Variants in GYG1 observed in about 807,000 individuals in gnomAD.
GYG1 encodes the protein glycogenin 1.
Under a neutral mutation model 41.9 loss-of-function variants are expected in GYG1, and 44 were observed. The ratio of observed to expected loss-of-function variants is 1.05; its 90% confidence interval spans 0.83 to 1.35. The LOEUF (loss-of-function observed/expected upper bound fraction) is 1.35, where lower values mean the gene tolerates loss of function less well. Among genes scored for constraint, GYG1 ranks in the 40% most tolerant of loss-of-function variants. The pLI, the probability that GYG1 is intolerant of heterozygous loss-of-function variation, is 0.00. For synonymous variants in GYG1, 141 were observed against 158.1 expected (o/e 0.89, Z 0.81); for missense variants, 429 against 418.9 (o/e 1.02, Z -0.21).
intron 4 of GYG1, among the ~76,000 whole-genome samples, chr3:149,007,127 G>T (rs1333869573): frequency 1.3e-5 from 2 of 152,100 alleles, no homozygotes; most frequent in African/African-American, 4.8e-5. Context: ...TTTTATTTTT[G>T]TTTTTTTGTT....
At chr3:149,009,032 A>G (rs1713566156) in intron 4 of GYG1, 1 of 427,512 alleles carries the variant, frequency 2.3e-6, no homozygotes, top group African/African-American at 2.0e-5. Context: ...GGTGGCATGC[A>G]CCTGTAGTCC....
intron 4 of GYG1, 77 bp from the exon 5 acceptor site, chr3:149,009,199 G>C: frequency 8.9e-7 from 1 of 1,124,702 alleles, no homozygotes; most frequent in South Asian, 1.3e-5. Flanking sequence ...ATTTTTAAAG[G>C]TCCAGTTATG....
intron 1 of GYG1, chr3:148,992,587 C>T (rs1404631480): frequency 6.6e-6 from 1 of 152,198 alleles, no homozygotes; most frequent in Admixed American, 6.5e-5. Context: ...TCTCCATGAT[C>T]GCCTGGAACC....
At chr3:149,012,124 G>A (rs1342083214) in intron 5 of GYG1, among the ~76,000 whole-genome samples, 3 of 152,118 alleles carry the variant, frequency 2.0e-5, no homozygotes, top group Non-Finnish European at 2.9e-5. Flanking sequence ...GGCTGAAAAG[G>A]TACAGGTAGT....
At chr3:149,011,318 C>G (rs1353823736) in intron 5 of GYG1, among the ~76,000 whole-genome samples, 1 of 152,188 alleles carries the variant, frequency 6.6e-6, no homozygotes, top group Non-Finnish European at 1.5e-5. Flanking sequence ...TCTTGCAAAC[C>G]ATGACAGTGT....
Position 149,024,280 on chromosome 3 carries a change from C to T in GYG1, c.828+8C>T. ...TGCTCATATGTAAATGTGGTAGGTT[C>T]TGTTTCTTTTCTTCAGATCATTTAA... On this transcript the variant is annotated splice_region_variant and intron_variant, in intron 6 of 7. Transcript: ENST00000345003. 6.5e-7 allele frequency: 1 copy of T among 1,531,868 alleles called. No homozygotes were observed. The highest frequency in any genetic ancestry group is 9.1e-7 in the Non-Finnish European group (1 of 1,104,902). The allele number at this position is 1,531,868 out of a possible 1,614,324, so 94.9% of individuals were successfully genotyped here.
intron 5 of GYG1, among the ~76,000 whole-genome samples, chr3:149,015,059 G>C (rs1713942099): frequency 6.6e-6 from 1 of 152,106 alleles, no homozygotes; most frequent in Non-Finnish European, 1.5e-5. Flanking sequence ...TCAGGTATTT[G>C]GTAGGATATG....
intron 1 of GYG1, among the ~76,000 whole-genome samples, chr3:148,993,768 AAC>A (rs1712627854): frequency 6.6e-6 from 1 of 152,204 alleles, no homozygotes; most frequent in South Asian, 2.1e-4. Context: ...CTTGTCTGAA[AAC>A]ACTGTCTACA....
chr3:149,004,095 A>G (rs1393162196), intron 4 of GYG1: 3 of 152,232 alleles, frequency 2.0e-5, no homozygotes, highest in Non-Finnish European at 4.4e-5. Context: ...TGGAAGGATG[A>G]TTCAGAATGA....
At position 149,026,935 on chromosome 3, in the gene GYG1, A is replaced by G. The variant is rs753890290; in HGVS notation, c.*2A>G. 6.2e-7 allele frequency: 1 copy of G among 1,613,814 alleles called. No homozygotes were observed. The highest frequency in any genetic ancestry group is 2.2e-5 in the East Asian group (1 of 44,890). The stretch of plus-strand genomic sequence containing the variant: ...AAACTTGACACTTACCTCCAGTAGA[A>G]ACACTGCATTTTTCTGTGAACACAT... On this transcript the variant is annotated 3_prime_UTR_variant, in exon 8 of 8. Coordinates refer to ENST00000345003, the MANE Select transcript of GYG1 (RefSeq NM_004130.4).
intron 4 of GYG1, among the ~76,000 whole-genome samples, chr3:149,004,815 T>A (rs1360324956): frequency 6.6e-6 from 1 of 152,234 alleles, no homozygotes; most frequent in Non-Finnish European, 1.5e-5. Context: ...TTGCTTGTTT[T>A]CTGTACACCC....
At position 149,028,705 on chromosome 3, in the gene GYG1, A is replaced by ATTTTTTTTTTTTTTTTTT. The variant is rs71617496; in HGVS notation, c.*1778_*1795dup. Among the ~76,000 whole-genome samples, 7 of 133,720 alleles carry ATTTTTTTTTTTTTTTTTT rather than the reference A, an allele frequency of 5.2e-5. No individual in the cohort carries two copies. The highest frequency in any genetic ancestry group is 6.3e-5 in the Non-Finnish European group (4 of 63,392). 87.7% of individuals were successfully genotyped at this position (133,720 alleles called of 152,430 possible). On this transcript the variant is annotated 3_prime_UTR_variant, in exon 8 of 8. Transcript: ENST00000345003. ...GGTGGAAAAGCTGACATAGTTTTAA[A>ATTTTTTTTTTTTTTTTTT]TTTTTTTTTTTTTTTTTTTTTTTCT... is the stretch of plus-strand genomic sequence containing the variant.
chr3:148,997,501 TTTATAG>T (rs1296314694), intron 4 of GYG1, among the ~76,000 whole-genome samples: 8 of 152,314 alleles, frequency 5.3e-5, no homozygotes, highest in African/African-American at 1.7e-4. Flanking sequence ...TATAAATGTA[TTTATAG>T]TTATATTTAT....
chr3:148,998,972 G>A (rs1712954188), intron 4 of GYG1, among the ~76,000 whole-genome samples: 1 of 152,126 alleles, frequency 6.6e-6, no homozygotes, highest in Non-Finnish European at 1.5e-5. Flanking sequence ...CTTGTGGCCT[G>A]CCAACTGCCT....
intron 5 of GYG1, among the ~76,000 whole-genome samples, chr3:149,023,703 C>A (rs1266328124): frequency 6.6e-6 from 1 of 152,174 alleles, no homozygotes; most frequent in Admixed American, 6.5e-5. Context: ...TGAACCCTTA[C>A]TGCAGGATGG....
chr3:148,998,128 A>G (rs1181195920), intron 4 of GYG1, among the ~76,000 whole-genome samples: 2 of 152,244 alleles, frequency 1.3e-5, no homozygotes, highest in African/African-American at 4.8e-5. Context: ...AATTATACAT[A>G]AAGCTGAGAT....
intron 5 of GYG1, among the ~76,000 whole-genome samples, chr3:149,013,017 G>GTGTGTGTGTGTGTGTGT (rs1713821293): frequency 6.6e-6 from 1 of 151,570 alleles, no homozygotes; most frequent in African/African-American, 2.4e-5. Flanking sequence ...GTGTGTGTGT[G>GTGTGTGTGTGTGTGTGT]TGTGTGTGTG....
chr3:148,993,336 G>T (rs772736895), intron 1 of GYG1, among the ~76,000 whole-genome samples: 15 of 151,704 alleles, frequency 9.9e-5, no homozygotes, highest in Non-Finnish European at 1.9e-4. Flanking sequence ...GGAGGGTGCA[G>T]GATGGACCTG....
At chr3:148,998,475 C>T (rs1430881291) in intron 4 of GYG1, among the ~76,000 whole-genome samples, 1 of 152,150 alleles carries the variant, frequency 6.6e-6, no homozygotes, top group African/African-American at 2.4e-5. Context: ...AATTACCTAG[C>T]CCAGCATGTC....
Sources: allele counts gnomAD v4.1 joint callset (sites outside exome capture counted in the v4.1 genomes callset), GRCh38; gene constraint gnomAD v4.1.1; transcripts MANE v1.5; gene names NCBI Gene and HGNC (gene_info 2026-07-23, HGNC 2026-07-21).